Variants in TNKS observed in about 807,000 individuals in gnomAD.
TNKS encodes poly [ADP-ribose] polymerase tankyrase-1.
Under a neutral mutation model 135.8 loss-of-function variants are expected in TNKS, and 72 were observed. The ratio of observed to expected loss-of-function variants is 0.53; its 90% CI spans 0.44 to 0.64. The LOEUF is 0.64. TNKS is among the 30% of genes least tolerant of loss of function. The pLI is 0.00. For missense variants in TNKS, 1,769 were observed against 1,674.0 expected, an observed-to-expected ratio of 1.06 and a Z score of -0.99; for synonymous variants, 849 against 649.3, an observed-to-expected ratio of 1.31 and a Z score of -4.68.
At chr8:9,740,531 T>G (rs1356804086) in intron 17 of TNKS, among the ~76,000 whole-genome samples, 1 of 152,150 alleles carries the variant, frequency 6.6e-6, no homozygotes, top group Non-Finnish European at 1.5e-5. Flanking sequence ...GAGGATACTT[T>G]TAAGGAAAGC....
chr8:9,664,175 C>G (rs1477846090), intron 3 of TNKS, among the ~76,000 whole-genome samples: 1 of 152,136 alleles, frequency 6.6e-6, no homozygotes, highest in Non-Finnish European at 1.5e-5. Flanking sequence ...GCAGGCTGTA[C>G]AAGAAGCATG....
chr8:9,604,217 G>A (rs548897510), intron 2 of TNKS, among the ~76,000 whole-genome samples: 1 of 152,008 alleles, frequency 6.6e-6, no homozygotes, highest in Non-Finnish European at 1.5e-5. Context: ...AGCTCATCAT[G>A]TTTTGAAGTT....
chr8:9,562,223 A>G (rs1191615658), intron 1 of TNKS, among the ~76,000 whole-genome samples: 1 of 151,974 alleles, frequency 6.6e-6, no homozygotes, highest in Non-Finnish European at 1.5e-5. Context: ...AGAGTACTTT[A>G]TATATTCTGC....
At chr8:9,637,791 G>C (rs1044484435) in intron 3 of TNKS, among the ~76,000 whole-genome samples, 1 of 152,112 alleles carries the variant, frequency 6.6e-6, no homozygotes, top group East Asian at 1.9e-4. Context: ...TTATAGGAGA[G>C]AAATCTAGCC....
At chr8:9,725,564 A>T (rs1225411987) in intron 12 of TNKS, among the ~76,000 whole-genome samples, 1 of 152,166 alleles carries the variant, frequency 6.6e-6, no homozygotes, top group African/African-American at 2.4e-5. Context: ...CTCAAAAAAG[A>T]TGTCTCTGAT....
At chr8:9,613,424 C>A (rs1175940141) in intron 2 of TNKS, among the ~76,000 whole-genome samples, 33 of 152,160 alleles carry the variant, frequency 2.2e-4, no homozygotes, top group Admixed American at 1.0e-3. Context: ...TAAGTTTAGA[C>A]CCCTGCTGAT....
chr8:9,585,028 A>G (rs1358402173), intron 2 of TNKS, among the ~76,000 whole-genome samples: 1 of 152,170 alleles, frequency 6.6e-6, no homozygotes, highest in African/African-American at 2.4e-5. Flanking sequence ...CAGAATACAT[A>G]TCCAGGACTG....
At chr8:9,571,008 A>C (rs1797734730) in intron 1 of TNKS, among the ~76,000 whole-genome samples, 1 of 152,146 alleles carries the variant, frequency 6.6e-6, no homozygotes, top group Non-Finnish European at 1.5e-5. Flanking sequence ...TTAAAAATGG[A>C]GGTAGATTTT....
intron 26 of TNKS, among the ~76,000 whole-genome samples, chr8:9,775,394 CTGT>C (rs1257960839): frequency 2.1e-5 from 3 of 143,842 alleles, no homozygotes; most frequent in East Asian, 4.1e-4. Context: ...AAAATAGAAA[CTGT>C]TGTTGTTTTT....
intron 3 of TNKS, among the ~76,000 whole-genome samples, chr8:9,667,919 T>C (rs1802077233): frequency 2.0e-5 from 3 of 151,364 alleles, no homozygotes; most frequent in African/African-American, 7.3e-5. Flanking sequence ...TTAACAAATA[T>C]ACAGGCACTG....
At chr8:9,613,194 A>G (rs983417378) in intron 2 of TNKS, among the ~76,000 whole-genome samples, 21 of 152,324 alleles carry the variant, frequency 1.4e-4, no homozygotes, top group South Asian at 6.2e-4. Context: ...AATATTTACT[A>G]TCAGGCCTAC....
In TNKS at chr8:9,662,463, G is replaced by A. The variant is rs567235538; in HGVS notation, c.995-17488G>A. Among the ~76,000 whole-genome samples the A allele has an allele frequency of 3.6e-3, 547 of 152,264 alleles. 2 individuals carry two copies. The highest frequency in any genetic ancestry group is 5.2e-3 in the Non-Finnish European group (357 of 68,016). ...CTTTGTAGGGACATGGATGAAGCTG[G>A]AAACCATCATTCTCAGCAAACTATC... On this transcript the variant is annotated intron_variant, in intron 3 of 26. Coordinates refer to ENST00000310430, the MANE Select transcript of TNKS (RefSeq NM_003747.3).
In TNKS at chr8:9,731,069, T is replaced by C. The variant is rs1337135989; in HGVS notation, c.2147+34T>C. 7 of 1,528,970 alleles carry C rather than the reference T, an allele frequency of 4.6e-6. No individual in the cohort carries two copies. The East Asian group carries it at 7.1e-5, about 16-fold the overall frequency. 94.7% of individuals were successfully genotyped at this position (1,528,970 alleles called of 1,614,324 possible). ...TAGAAGTTAGCTGTTTGGGAGTCAT[T>C]CTCTTCATGCTTAAAAAATTTAAAA... On this transcript the variant is annotated intron_variant, in intron 14 of 26. Transcript: ENST00000310430.
chr8:9,566,042 A>T (rs1797523064), intron 1 of TNKS, among the ~76,000 whole-genome samples: 1 of 152,076 alleles, frequency 6.6e-6, no homozygotes, highest in South Asian at 2.1e-4. Context: ...CCTCATTCTG[A>T]TAATACTCAT....
intron 1 of TNKS, chr8:9,558,129 C>A (rs1355116356): frequency 6.6e-6 from 1 of 152,174 alleles, no homozygotes; most frequent in Non-Finnish European, 1.5e-5. Context: ...TCAAAAGTTT[C>A]TGGAAACAAT....
In TNKS at chr8:9,741,578, A is replaced by G. The variant is rs1030801365; in HGVS notation, c.2643+6092A>G. 9.2e-6 allele frequency: 3 copies of G among 325,988 alleles called. 1 individual carries two copies. The highest frequency in any genetic ancestry group is 8.2e-5 in the South Asian group (3 of 36,492). 20.2% of individuals were successfully genotyped at this position (325,988 alleles called of 1,614,324 possible). A position where few individuals can be genotyped will look rare whatever the true frequency, so the allele number is the denominator to read the frequency against. On this transcript the variant is annotated intron_variant, in intron 17 of 26. Coordinates refer to ENST00000310430, the MANE Select transcript of TNKS (RefSeq NM_003747.3). ...GATGTGTTCTACTGCATTAGTCTTCACCTTGCACAGTCTTTATAGCTGTCA... is the reference window on the plus strand; with the variant it reads ...GATGTGTTCTACTGCATTAGTCTTCGCCTTGCACAGTCTTTATAGCTGTCA...
Position 9,681,464 on chromosome 8 carries a change from G to T in TNKS, c.1107+664G>T, listed in dbSNP as rs562745734. On this transcript the variant is annotated intron_variant, in intron 5 of 26. Transcript: ENST00000310430. Reference sequence around the variant, plus strand: ...GATAGACTGAAATGTAATCCTTTATGGCTTTGGTAATTGCAGAGTTTTGTA... The same window carrying T: ...GATAGACTGAAATGTAATCCTTTATTGCTTTGGTAATTGCAGAGTTTTGTA... 2.6e-5 allele frequency among the ~76,000 whole-genome samples: 4 copies of T among 152,142 alleles called. No homozygotes were observed. The South Asian group carries it at 8.3e-4, about 32-fold the overall frequency.
intron 3 of TNKS, among the ~76,000 whole-genome samples, chr8:9,641,147 G>T (rs1800713608): frequency 6.8e-6 from 1 of 146,160 alleles, no homozygotes; most frequent in African/African-American, 2.5e-5. Context: ...TTCCTGTTCA[G>T]TTACAAGTAT....
At chr8:9,735,315 T>C in intron 16 of TNKS, 62 bp from the exon 17 acceptor site, 1 of 1,439,860 alleles carries the variant, frequency 6.9e-7, no homozygotes, top group East Asian at 2.3e-5. Context: ...CCTTATTACA[T>C]ATGTATGTAT....
Sources: gnomAD v4.1 joint callset for allele counts (sites outside exome capture counted in the v4.1 genomes callset) on GRCh38, gnomAD v4.1.1 for gene constraint, MANE v1.5 for transcripts, NCBI Gene and HGNC (gene_info 2026-07-23, HGNC 2026-07-21) for gene names.